ASTN2: variants seen among roughly 807,000 people sequenced by gnomAD.
The protein encoded by ASTN2 is astrotactin-2.
Under a neutral mutation model 139.8 loss-of-function variants are expected in ASTN2, and 54 were observed. The ratio of observed to expected loss-of-function variants is 0.39; its 90% CI spans 0.31 to 0.48. The LOEUF is 0.48. Among genes scored for constraint, ASTN2 ranks in the 20% least tolerant of loss-of-function variants. The probability of loss-of-function intolerance (pLI) is 0.95; values close to 1 mark genes in which losing one functional copy is unlikely to be tolerated. For missense variants in ASTN2, 1,565 were observed against 1,725.1 expected (o/e 0.91, Z 1.64); for synonymous variants, 756 against 719.5 (o/e 1.05, Z -0.81).
chr9:117,004,378 C>T (rs1456702099), intron 7 of ASTN2, among the ~76,000 whole-genome samples: 1 of 152,118 alleles, frequency 6.6e-6, no homozygotes, highest in Non-Finnish European at 1.5e-5. Flanking sequence ...GCTTCAGCCT[C>T]TCAGTGCTGG....
At chr9:117,157,906 A>G (rs1200743326) in intron 3 of ASTN2, among the ~76,000 whole-genome samples, 4 of 152,026 alleles carry the variant, frequency 2.6e-5, no homozygotes, top group Non-Finnish European at 5.9e-5. Flanking sequence ...AGATCAGTGT[A>G]ACTATAACTA....
At chr9:117,201,350 GT>G (rs1280788339) in intron 3 of ASTN2, among the ~76,000 whole-genome samples, 11 of 151,912 alleles carry the variant, frequency 7.2e-5, no homozygotes, top group Non-Finnish European at 1.3e-4. Context: ...TTTTTGGAGG[GT>G]TTTTCATGTC....
chr9:116,482,582 C>G lies in ASTN2; in HGVS notation c.3497+4777G>C, dbSNP rs7857587. 2.7e-3 allele frequency among the ~76,000 whole-genome samples: 413 copies of G among 152,226 alleles called. 3 individuals carry two copies. The highest frequency in any genetic ancestry group is 9.0e-3 in the African/African-American group (374 of 41,556). ...TAACCTTTCCATGTCACAAATAATA[C>G]TAAGACCAGAGGAGGGGGAAGAACT... On this transcript the variant is annotated intron_variant, in intron 20 of 22. Transcript: ENST00000313400.
Position 117,093,095 on chromosome 9 carries a change from A to G in ASTN2, c.1276+2949T>C, listed in dbSNP as rs1828747439. ...TATGCCCCATGTCCCATTCACACAC[A>G]AGTAAGAAGAGATCTCAGAGAAGAT... On this transcript the variant is annotated intron_variant, in intron 5 of 22. Transcript: ENST00000313400. 2.6e-5 allele frequency among the ~76,000 whole-genome samples: 4 copies of G among 152,248 alleles called. No individual in the cohort carries two copies. The South Asian group carries it at 8.3e-4, about 32-fold the overall frequency.
chr9:116,665,359 G>A (rs544489132), intron 16 of ASTN2, among the ~76,000 whole-genome samples: 17 of 152,112 alleles, frequency 1.1e-4, no homozygotes, highest in East Asian at 7.7e-4. Context: ...TCAGCATTAC[G>A]GACAACTAAT....
intron 16 of ASTN2, among the ~76,000 whole-genome samples, chr9:116,681,179 C>G (rs1339927843): frequency 6.6e-6 from 1 of 152,202 alleles, no homozygotes; most frequent in African/African-American, 2.4e-5. Context: ...AGCAAAGTCT[C>G]AGGATACAAA....
chr9:116,961,895 C>T (rs537707839), intron 10 of ASTN2, among the ~76,000 whole-genome samples: 59 of 152,336 alleles, frequency 3.9e-4, no homozygotes, highest in African/African-American at 1.2e-3. Flanking sequence ...AATCTATTTA[C>T]GCTAAATGCA....
chr9:116,955,100 T>C (rs1261991490), intron 10 of ASTN2, among the ~76,000 whole-genome samples: 6 of 152,360 alleles, frequency 3.9e-5, no homozygotes, highest in African/African-American at 1.2e-4. Context: ...TAGAGCTCTA[T>C]TGAAATATTG....
At chr9:117,388,416 A>G (rs1245442988) in intron 1 of ASTN2, among the ~76,000 whole-genome samples, 1 of 152,186 alleles carries the variant, frequency 6.6e-6, no homozygotes, top group Non-Finnish European at 1.5e-5. Flanking sequence ...CATGGGAGTG[A>G]GGAAAGGATG....
At chr9:117,145,027 C>T (rs889836143) in intron 3 of ASTN2, among the ~76,000 whole-genome samples, 5 of 151,908 alleles carry the variant, frequency 3.3e-5, no homozygotes, top group African/African-American at 1.2e-4. Flanking sequence ...GGTACAAGTA[C>T]AGGTTTGTTA....
At chr9:116,681,339 G>A (rs1203614059) in intron 16 of ASTN2, among the ~76,000 whole-genome samples, 2 of 152,072 alleles carry the variant, frequency 1.3e-5, no homozygotes, top group African/African-American at 2.4e-5. Context: ...ACCTCTTCAA[G>A]GAGAACTACA....
chr9:117,119,914 G>C (rs1019795970), intron 4 of ASTN2, among the ~76,000 whole-genome samples: 1 of 150,682 alleles, frequency 6.6e-6, no homozygotes, highest in Non-Finnish European at 1.5e-5. Context: ...GCACTAGAAT[G>C]TGAAAAGGTA....
chr9:116,796,842 CACAGTGTCACCCAGGCTGGA>C (rs1830704557), intron 13 of ASTN2, among the ~76,000 whole-genome samples: 1 of 152,118 alleles, frequency 6.6e-6, no homozygotes, highest in Non-Finnish European at 1.5e-5. Context: ...GACAGGATCT[CACAGTGTCACCCAGGCTGGA>C]ATGCAGTGGT....
intron 4 of ASTN2, among the ~76,000 whole-genome samples, chr9:117,099,767 T>G (rs1023633145): frequency 6.6e-6 from 1 of 152,194 alleles, no homozygotes; most frequent in Non-Finnish European, 1.5e-5. Context: ...ATCTATTCCT[T>G]TTTTACAATG....
At chr9:116,800,699 A>T (rs79427747) in intron 13 of ASTN2, among the ~76,000 whole-genome samples, 4 of 152,336 alleles carry the variant, frequency 2.6e-5, no homozygotes, top group East Asian at 3.9e-4. Flanking sequence ...ACCAGGGAGC[A>T]CTGGTTTGGG....
At chr9:117,344,132 C>T (rs1241802654) in intron 1 of ASTN2, among the ~76,000 whole-genome samples, 1 of 151,912 alleles carries the variant, frequency 6.6e-6, no homozygotes, top group South Asian at 2.1e-4. Context: ...TCCAGCACAG[C>T]ATGCCTGAAA....
intron 13 of ASTN2, among the ~76,000 whole-genome samples, chr9:116,738,508 C>T (rs1829006778): frequency 6.6e-6 from 1 of 151,678 alleles, no homozygotes; most frequent in Non-Finnish European, 1.5e-5. Flanking sequence ...GTGTTGGGTA[C>T]AGTGTCTACT....
chr9:117,094,623 C>A (rs1490990050), intron 5 of ASTN2, among the ~76,000 whole-genome samples: 1 of 152,116 alleles, frequency 6.6e-6, no homozygotes, highest in Admixed American at 6.5e-5. Flanking sequence ...AGAGGCAGAT[C>A]CCATTTTTCC....
At chr9:116,999,876 G>A (rs2132567572) in intron 7 of ASTN2, among the ~76,000 whole-genome samples, 1 of 151,986 alleles carries the variant, frequency 6.6e-6, no homozygotes, top group East Asian at 1.9e-4. Flanking sequence ...TTTTTTCATT[G>A]CAAAAGTTCA....
Sources: allele counts gnomAD v4.1 joint callset (sites outside exome capture counted in the v4.1 genomes callset), GRCh38; gene constraint gnomAD v4.1.1; transcripts MANE v1.5; gene names NCBI Gene and HGNC (gene_info 2026-07-23, HGNC 2026-07-21).